The following DIP2C variants were observed in gnomAD, a reference collection of about 807,000 sequenced individuals.
DIP2C encodes disco-interacting protein 2 homolog C.
Under a neutral mutation model 192.4 loss-of-function variants are expected in DIP2C, and 33 were observed. The observed-to-expected ratio is 0.17, with a 90% confidence interval of 0.13 to 0.23. The LOEUF (loss-of-function observed/expected upper bound fraction) is 0.23. Ranked by LOEUF, DIP2C falls within the 10% of genes least tolerant of loss-of-function variation. DIP2C has a pLI of 1.00. For synonymous variants in DIP2C, 979 were observed against 864.1 expected (o/e 1.13, Z -2.33); for missense variants, 1,537 against 2,110.1 (o/e 0.73, Z 5.32).
chr10:662,757 T>C (rs11253308), intron 1 of DIP2C: 23,140 of 653,036 alleles, frequency 0.035, 628 homozygotes, highest in East Asian at 0.11. Flanking sequence ...ATCTAACTTA[T>C]CTTATTTCTC....
chr10:333,902 G>A (rs1380022560), intron 29 of DIP2C, among the ~76,000 whole-genome samples: 2 of 152,136 alleles, frequency 1.3e-5, no homozygotes, highest in Non-Finnish European at 2.9e-5. Flanking sequence ...CCTAATTAAC[G>A]CTAGGTATCT....
chr10:530,754 C>T (rs1198055831), intron 1 of DIP2C, among the ~76,000 whole-genome samples: 1 of 151,482 alleles, frequency 6.6e-6, no homozygotes, highest in African/African-American at 2.4e-5. Flanking sequence ...TGCTGTCAGA[C>T]GAGATGGACT....
chr10:384,450 G>T, intron 15 of DIP2C, 96 bp downstream of exon 15: 1 of 1,249,298 alleles, frequency 8.0e-7, no homozygotes, highest in Non-Finnish European at 1.1e-6. Flanking sequence ...ATTGGCCCGG[G>T]TGGTCTGGAA....
intron 31 of DIP2C, chr10:311,667 A>T (rs943267007): frequency 1.9e-6 from 2 of 1,029,522 alleles, no homozygotes; most frequent in Admixed American, 4.3e-5. Flanking sequence ...CCGACAGTGA[A>T]AAATGGGATG....
chr10:424,392 G>A, intron 4 of DIP2C, among the ~76,000 whole-genome samples: 1 of 110,046 alleles, frequency 9.1e-6, no homozygotes, highest in Non-Finnish European at 1.7e-5. Flanking sequence ...TTGAGACAGA[G>A]TCTTCCTCTG....
At chr10:678,437 CA>C (rs1394259061) in intron 1 of DIP2C, among the ~76,000 whole-genome samples, 6 of 152,068 alleles carry the variant, frequency 3.9e-5, no homozygotes, top group Admixed American at 1.3e-4. Flanking sequence ...TGTTCGGCAG[CA>C]TCTGTCAGAG....
intron 1 of DIP2C, among the ~76,000 whole-genome samples, chr10:600,878 A>ACCAGATGGC (rs1294081212): frequency 2.5e-3 from 383 of 151,550 alleles, no homozygotes; most frequent in Middle Eastern, 0.01. Context: ...TTTTTCTGTA[A>ACCAGATGGC]CAAAGTTGGA....
At chr10:514,003 T>C (rs1236549839) in intron 1 of DIP2C, among the ~76,000 whole-genome samples, 1 of 152,196 alleles carries the variant, frequency 6.6e-6, no homozygotes, top group Non-Finnish European at 1.5e-5. Flanking sequence ...AATTCAGATG[T>C]AGGATGCTCA....
At chr10:494,346 C>T (rs1321836705) in intron 1 of DIP2C, among the ~76,000 whole-genome samples, 3 of 152,120 alleles carry the variant, frequency 2.0e-5, no homozygotes, top group African/African-American at 4.8e-5. Context: ...GAGTCAGAGG[C>T]GCGCAGTGAC....
intron 29 of DIP2C, among the ~76,000 whole-genome samples, chr10:335,119 A>G (rs1957699006): frequency 6.6e-6 from 1 of 152,244 alleles, no homozygotes; most frequent in Non-Finnish European, 1.5e-5. Flanking sequence ...ATCTTAAAAA[A>G]TATTTTGAAA....
intron 17 of DIP2C, among the ~76,000 whole-genome samples, chr10:372,059 CA>C (rs1285389634): frequency 2.7e-5 from 4 of 147,796 alleles, no homozygotes; most frequent in African/African-American, 1.0e-4. Flanking sequence ...GTCTCAATCA[CA>C]AAAACCCCCT....
chr10:510,755 C>T (rs1479303029), intron 1 of DIP2C, among the ~76,000 whole-genome samples: 1 of 152,246 alleles, frequency 6.6e-6, no homozygotes, highest in African/African-American at 2.4e-5. Flanking sequence ...TTTCCAGCGC[C>T]TCCGTGTGCC....
At chr10:481,036 C>CA (rs1180761632) in intron 2 of DIP2C, among the ~76,000 whole-genome samples, 5 of 152,196 alleles carry the variant, frequency 3.3e-5, no homozygotes, top group South Asian at 2.1e-4. Flanking sequence ...CGGGACCCTC[C>CA]AGCCCAGGTG....
intron 1 of DIP2C, among the ~76,000 whole-genome samples, chr10:545,166 C>CTTTTTTTTTTT (rs60185327): frequency 4.5e-4 from 39 of 86,332 alleles, no homozygotes; most frequent in East Asian, 9.0e-4. Context: ...GGTGTTTTCC[C>CTTTTTTTTTTT]TTTTTTTTTT....
At chr10:313,680 C>A (rs2132342298) in intron 31 of DIP2C, among the ~76,000 whole-genome samples, 1 of 152,352 alleles carries the variant, frequency 6.6e-6, no homozygotes, top group South Asian at 2.1e-4. Context: ...TAGGTATCCA[C>A]AGGGAGTCTG....
intron 32 of DIP2C, among the ~76,000 whole-genome samples, chr10:296,341 C>A (rs1415230367): frequency 1.3e-5 from 2 of 151,360 alleles, no homozygotes; most frequent in African/African-American, 4.9e-5. Flanking sequence ...CAATGAGATA[C>A]CATCTCACAC....
chr10:311,440 C>T, intron 31 of DIP2C: 2 of 1,100,326 alleles, frequency 1.8e-6, no homozygotes, highest in Admixed American at 4.2e-5. Flanking sequence ...CGGCCAATCT[C>T]TGCACTCAAC....
chr10:401,690 C>T (rs1964466003), intron 9 of DIP2C, among the ~76,000 whole-genome samples: 1 of 148,902 alleles, frequency 6.7e-6, no homozygotes, highest in Admixed American at 6.7e-5. Flanking sequence ...ATTAGCATTA[C>T]TCTTCCTTAT....
intron 17 of DIP2C, chr10:369,997 C>T (rs1960771161): frequency 1.3e-5 from 13 of 985,450 alleles, no homozygotes; most frequent in South Asian, 4.7e-5. Context: ...GCTCACTCCA[C>T]GGTCTGCTCT....
Sources: allele counts gnomAD v4.1 joint callset (sites outside exome capture counted in the v4.1 genomes callset), GRCh38; gene constraint gnomAD v4.1.1; transcripts MANE v1.5; gene names NCBI Gene and HGNC (gene_info 2026-07-23, HGNC 2026-07-21).